Variants in GALNT8 observed in about 807,000 individuals in gnomAD.
The protein encoded by GALNT8 is probable polypeptide N-acetylgalactosaminyltransferase 8.
Under a neutral mutation model 62.7 loss-of-function variants are expected in GALNT8, and 66 were observed. That is an observed-to-expected ratio of 1.05 (90% CI 0.86 to 1.29). GALNT8 has a LOEUF of 1.29. Ranked by LOEUF, GALNT8 falls within the 50% of genes most tolerant of loss-of-function variation. GALNT8 has a pLI of 0.00. For missense variants in GALNT8, 771 were observed against 791.8 expected, an observed-to-expected ratio of 0.97 and a Z score of 0.32; for synonymous variants, 288 against 294.3, an observed-to-expected ratio of 0.98 and a Z score of 0.22.
At chr12:4,768,802 G>C (rs186940499) in intron 10 of GALNT8, among the ~76,000 whole-genome samples, 70 of 152,282 alleles carry the variant, frequency 4.6e-4, no homozygotes, top group Middle Eastern at 3.4e-3. Context: ...TATGAAAAAT[G>C]ATACTTGATT....
rs147916488 is a variant in GALNT8 at position 4,752,828 on chromosome 12, A to G, written c.1173+6570A>G. ...ACATCCTTTTCTTTCTGACTGAAGT[A>G]CTCCCTTTAGCATTTCTTGTAGGAT... On this transcript the variant is annotated intron_variant, in intron 6 of 10. Transcript: ENST00000252318. Among the ~76,000 whole-genome samples, 243 of 151,992 alleles carry G rather than the reference A, an allele frequency of 1.6e-3. 1 individual carries two copies. Among genetic ancestry groups the G allele is most frequent in the African/African-American group, 5.7e-3 (236 of 41,464 alleles).
intron 3 of GALNT8, among the ~76,000 whole-genome samples, chr12:4,741,077 T>C (rs1188964805): frequency 6.6e-6 from 1 of 152,208 alleles, no homozygotes; most frequent in Non-Finnish European, 1.5e-5. Context: ...ATTTCTTGAC[T>C]ATAAGGGCTA....
rs773653105 is a variant in GALNT8, at chr12:4,761,023, C to T, written c.1239C>T (p.His413=). 1.2e-6 allele frequency: 2 copies of T among 1,613,902 alleles called. No homozygotes were observed. The highest frequency in any genetic ancestry group is 2.7e-5 in the African/African-American group (2 of 74,898). Residue 413 remains histidine, a synonymous_variant, in exon 7 of 11, where the codon CAC becomes CAT. Transcript: ENST00000252318. ...PCSRIAHLER[H]HKPYALDLTA... ...CCCGGATTGCCCACCTAGAGAGACA[C>T]CACAAGCCCTACGCCTTGGATCTCA...
At chr12:4,746,989 A>C (rs980319894) in intron 6 of GALNT8, among the ~76,000 whole-genome samples, 12 of 152,212 alleles carry the variant, frequency 7.9e-5, no homozygotes, top group Non-Finnish European at 1.5e-4. Flanking sequence ...TTCACACTTA[A>C]GCAGTGATGC....
At chr12:4,772,233 C>T (rs191533276) in intron 10 of GALNT8, among the ~76,000 whole-genome samples, 85 of 152,332 alleles carry the variant, frequency 5.6e-4, no homozygotes, top group African/African-American at 1.8e-3. Context: ...AGCGCAACAT[C>T]GCCTGGTTAG....
At position 4,720,410 on chromosome 12, in the gene GALNT8, TG is replaced by T; in HGVS notation, c.-267del. The T allele has an allele frequency of 2.1e-6, 1 of 479,174 alleles. No homozygotes were observed. Among genetic ancestry groups the T allele is most frequent in the Non-Finnish European group, 3.8e-6 (1 of 262,906 alleles). 29.7% of individuals were successfully genotyped at this position (479,174 alleles called of 1,614,324 possible). The stretch of plus-strand genomic sequence containing the variant: ...CTGCTTCAAGGGAGTGTTATCTCCC[TG>T]AGCAACCTGTGGAAAGCCGCTGAGC... On this transcript the variant is annotated 5_prime_UTR_variant, in exon 1 of 11. Coordinates refer to ENST00000252318, the MANE Select transcript of GALNT8 (RefSeq NM_017417.2).
chr12:4,757,169 A>G (rs1004348000), intron 6 of GALNT8, among the ~76,000 whole-genome samples: 3 of 152,190 alleles, frequency 2.0e-5, no homozygotes, highest in Admixed American at 6.5e-5. Flanking sequence ...TTGTGAGTCA[A>G]TGAAACCTCT....
At chr12:4,739,848 T>C (rs1205508033) in intron 3 of GALNT8, among the ~76,000 whole-genome samples, 1 of 151,910 alleles carries the variant, frequency 6.6e-6, no homozygotes, top group Admixed American at 6.6e-5. Context: ...TGTATTTTTT[T>C]AGTAGAGACG....
Position 4,720,534 on chromosome 12 carries a change from C to A in GALNT8, c.-144C>A. The A allele has an allele frequency of 1.6e-6, 1 of 643,078 alleles. No homozygotes were observed. Among genetic ancestry groups the A allele is most frequent in the African/African-American group, 1.8e-5 (1 of 54,880 alleles). 39.8% of individuals were successfully genotyped at this position (643,078 alleles called of 1,614,324 possible). On this transcript the variant is annotated 5_prime_UTR_variant, in exon 1 of 11. Transcript: ENST00000252318. Reference sequence around the variant, plus strand: ...TCCTCAGAGGCCACCCGTGGCTTCCCATGGGTGTCTCACACAGGGGAGACC... The same window carrying A: ...TCCTCAGAGGCCACCCGTGGCTTCCAATGGGTGTCTCACACAGGGGAGACC...
rs1946259240 is a variant in GALNT8, at chr12:4,739,165, G to A, written c.512G>A (p.Cys171Tyr). The A allele has an allele frequency of 6.3e-7, 1 of 1,599,346 alleles. No individual in the cohort carries two copies. The highest frequency in any genetic ancestry group is 1.7e-5 in the Admixed American group (1 of 59,094). ...GTTATAAAAATGGTCTCTTATAGAT[G>A]TCTTCGGAAGACATATCCTTCCCAA... ...RTIPDTRDYRCLRKTYPSQLP... is the reference protein window; with the variant it reads ...RTIPDTRDYRYLRKTYPSQLP... Residue 171 changes from cysteine (C) to tyrosine (Y), a missense_variant and splice_region_variant, in exon 3 of 11, where the codon TGT becomes TAT. Transcript: ENST00000252318.
Position 4,746,227 on chromosome 12 carries a change from A to T in GALNT8, c.1142A>T (p.Tyr381Phe), listed in dbSNP as rs142410021. The stretch of plus-strand genomic sequence containing the variant: ...TCTCTGGATGGTGGAATGCTCATCT[A>T]TGGAGGAGAGAACGTGGAGCTTAGC... ...IGSLDGGMLI[Y>F]GGENVELSLR... The change falls in exon 6 of 11, where the codon TAT becomes TTT. Residue 381 changes from tyrosine to phenylalanine, a missense_variant. Transcript: ENST00000252318. The T allele has an allele frequency of 4.4e-5, 71 of 1,610,154 alleles. No homozygotes were observed. The African/African-American group carries it at 8.3e-4, about 19-fold the overall frequency.
chr12:4,733,782 C>G (rs1419266914), intron 2 of GALNT8, among the ~76,000 whole-genome samples: 1 of 152,166 alleles, frequency 6.6e-6, no homozygotes, highest in East Asian at 1.9e-4. Context: ...TATCCACTTA[C>G]GAATTCGCCA....
At chr12:4,735,051 AGT>A (rs1460051750) in intron 2 of GALNT8, among the ~76,000 whole-genome samples, 1 of 152,212 alleles carries the variant, frequency 6.6e-6, no homozygotes, top group African/African-American at 2.4e-5. Flanking sequence ...AAGTGGTTGC[AGT>A]GAGATAAATA....
intron 2 of GALNT8, among the ~76,000 whole-genome samples, chr12:4,733,357 G>A (rs148586645): frequency 1.9e-4 from 29 of 152,280 alleles, no homozygotes; most frequent in African/African-American, 2.6e-4. Context: ...TTGGAACCAC[G>A]GGAGGCACAT....
In GALNT8 at chr12:4,765,352, CTTTTTTTTTTTT is replaced by C; in HGVS notation, c.1594-14_1594-3del. 1 of 1,014,390 alleles carries C rather than the reference CTTTTTTTTTTTT, an allele frequency of 9.9e-7. No individual in the cohort carries two copies. The highest frequency in any genetic ancestry group is 1.3e-6 in the Non-Finnish European group (1 of 771,302). The allele number at this position is 1,014,390 out of a possible 1,614,324, so 62.8% of individuals were successfully genotyped here. A position where few individuals can be genotyped will look rare whatever the true frequency, so the allele number is the denominator to read the frequency against. On this transcript the variant is annotated splice_polypyrimidine_tract_variant and intron_variant, in intron 9 of 10. Transcript: ENST00000252318. ...GACAATGCCTATGGTGAGCCCTCTG[CTTTTTTTTTTTT>C]TTTTTTTTTTTTAGAATGTCTACTA...
chr12:4,768,758 C>T (rs539469628), intron 10 of GALNT8, among the ~76,000 whole-genome samples: 1 of 152,318 alleles, frequency 6.6e-6, no homozygotes, highest in African/African-American at 2.4e-5. Context: ...CCTTTTCCAT[C>T]CATCTTACCT....
rs765274502 is a variant in GALNT8, at chr12:4,764,010, C to T, written c.1556C>T (p.Thr519Ile). Residue 519 changes from threonine (T) to isoleucine (I), a missense_variant, in exon 9 of 11, where the codon ACC becomes ATC. Thr to Ile is a moderately conservative substitution (Grantham distance 89, BLOSUM62 -1). Transcript: ENST00000252318. Reference sequence around the variant, plus strand: ...GATCAGGGACCCGTTCCAGGCAACACCCCCATCATGTATTACTGCCATGAA... The same window carrying T: ...GATCAGGGACCCGTTCCAGGCAACATCCCCATCATGTATTACTGCCATGAA... The part of the protein sequence containing the change: ...CLDQGPVPGN[T>I]PIMYYCHEFS... The T allele has an allele frequency of 8.8e-6, 14 of 1,597,432 alleles. No individual in the cohort carries two copies. The highest frequency in any genetic ancestry group is 6.7e-5 in the African/African-American group (5 of 74,668).
At chr12:4,754,135 C>T (rs1387985399) in intron 6 of GALNT8, among the ~76,000 whole-genome samples, 1 of 152,138 alleles carries the variant, frequency 6.6e-6, no homozygotes, top group Admixed American at 6.5e-5. Flanking sequence ...CTGGGTCAGA[C>T]CTGAAGGTAG....
At chr12:4,755,664 C>G (rs1946341307) in intron 6 of GALNT8, among the ~76,000 whole-genome samples, 1 of 152,158 alleles carries the variant, frequency 6.6e-6, no homozygotes, top group Admixed American at 6.6e-5. Context: ...TTCTAGTCAA[C>G]CATCTTGCTC....
Sources: allele counts gnomAD v4.1 joint callset (sites outside exome capture counted in the v4.1 genomes callset), GRCh38; gene constraint gnomAD v4.1.1; transcripts MANE v1.5; gene names NCBI Gene and HGNC (gene_info 2026-07-23, HGNC 2026-07-21).